Variants in CLMP observed in about 807,000 individuals in gnomAD.
The protein encoded by CLMP is CXADR like cell adhesion molecule, also known as CXADR-like membrane protein.
CLMP carries 27 observed loss-of-function variants against 45.2 expected under a neutral mutation model. The ratio of observed to expected loss-of-function variants is 0.60; its 90% CI spans 0.44 to 0.82. The LOEUF (loss-of-function observed/expected upper bound fraction) is 0.82, where lower values mean the gene tolerates loss of function less well. Among genes scored for constraint, CLMP ranks in the 40% least tolerant of loss-of-function variants. CLMP has a pLI of 0.00. For missense variants in CLMP, 403 were observed against 448.4 expected (o/e 0.90, Z 0.91); for synonymous variants, 167 against 171.4 (o/e 0.97, Z 0.20).
chr11:123,086,550 C>T (rs1865866832), intron 2 of CLMP, among the ~76,000 whole-genome samples: 2 of 152,224 alleles, frequency 1.3e-5, no homozygotes, highest in Non-Finnish European at 2.9e-5. Flanking sequence ...AGAAGGTTCT[C>T]TCAATCAGAT....
chr11:123,117,412 A>T (rs974033249), intron 1 of CLMP, among the ~76,000 whole-genome samples: 11 of 151,412 alleles, frequency 7.3e-5, no homozygotes, highest in East Asian at 1.9e-4. Context: ...TTTTTAAAAA[A>T]TTTTTTATTT....
chr11:123,078,658 T>G (rs1369715018), intron 5 of CLMP, among the ~76,000 whole-genome samples: 1 of 150,600 alleles, frequency 6.6e-6, no homozygotes, highest in African/African-American at 2.4e-5. Flanking sequence ...GTTTTTTTTT[T>G]TTTTGAGACA....
chr11:123,112,959 G>A (rs1327765225), intron 1 of CLMP, among the ~76,000 whole-genome samples: 1 of 151,954 alleles, frequency 6.6e-6, no homozygotes, highest in Non-Finnish European at 1.5e-5. Context: ...ATTTTTAGTA[G>A]AGACGGGGTT....
intron 1 of CLMP, among the ~76,000 whole-genome samples, chr11:123,154,756 C>T (rs1389270252): frequency 6.6e-6 from 1 of 152,112 alleles, no homozygotes; most frequent in Non-Finnish European, 1.5e-5. Context: ...CTTTACTTTC[C>T]ACTGAAATGA....
intron 1 of CLMP, among the ~76,000 whole-genome samples, chr11:123,155,688 G>A (rs1861403468): frequency 6.6e-6 from 1 of 152,136 alleles, no homozygotes; most frequent in African/African-American, 2.4e-5. Context: ...CTCCAAGATG[G>A]TCCTCAGGGA....
chr11:123,113,480 A>G (rs988898316), intron 1 of CLMP, among the ~76,000 whole-genome samples: 3 of 152,202 alleles, frequency 2.0e-5, no homozygotes, highest in Admixed American at 6.5e-5. Flanking sequence ...TGTTTATCCC[A>G]GACCTTGAAG....
intron 1 of CLMP, among the ~76,000 whole-genome samples, chr11:123,150,548 G>GA (rs1213409128): frequency 1.4e-5 from 2 of 138,606 alleles, no homozygotes; most frequent in African/African-American, 5.6e-5. Context: ...AGCAAGGAAG[G>GA]AAGGAAGGAA....
intron 1 of CLMP, among the ~76,000 whole-genome samples, chr11:123,126,625 C>T (rs992703843): frequency 2.0e-5 from 3 of 152,136 alleles, no homozygotes; most frequent in Non-Finnish European, 4.4e-5. Context: ...AGGCTGGGTG[C>T]AGTAGCTCAC....
chr11:123,110,183 C>T (rs908265782), intron 1 of CLMP, among the ~76,000 whole-genome samples: 10 of 152,062 alleles, frequency 6.6e-5, no homozygotes, highest in African/African-American at 1.9e-4. Flanking sequence ...GTTGCCCATG[C>T]GATGGCTCAC....
At chr11:123,142,968 G>A (rs960308437) in intron 1 of CLMP, among the ~76,000 whole-genome samples, 2 of 152,140 alleles carry the variant, frequency 1.3e-5, no homozygotes, top group Non-Finnish European at 2.9e-5. Flanking sequence ...CTAGACATGA[G>A]CCCATGATTT....
At chr11:123,135,558 T>C (rs1056942876) in intron 1 of CLMP, among the ~76,000 whole-genome samples, 1 of 152,186 alleles carries the variant, frequency 6.6e-6, no homozygotes, top group African/African-American at 2.4e-5. Flanking sequence ...CTATTTTTTT[T>C]CACAATGAAG....
chr11:123,112,117 C>A (rs12290985), intron 1 of CLMP, among the ~76,000 whole-genome samples: 17,709 of 152,032 alleles, frequency 0.12, 1,133 homozygotes, highest in Admixed American at 0.17. Flanking sequence ...GAACGGAACA[C>A]GTCTGCCCCA....
chr11:123,080,621 C>T (rs1865793902), intron 5 of CLMP, among the ~76,000 whole-genome samples: 1 of 152,120 alleles, frequency 6.6e-6, no homozygotes, highest in Non-Finnish European at 1.5e-5. Context: ...GCCACTGCGC[C>T]TCGACAAAGG....
chr11:123,186,763 T>C (rs1290896672), intron 1 of CLMP, among the ~76,000 whole-genome samples: 1 of 152,122 alleles, frequency 6.6e-6, no homozygotes, highest in Non-Finnish European at 1.5e-5. Context: ...CCTCCAGTGA[T>C]CCACCCGCCT....
At chr11:123,169,236 T>C (rs542667154) in intron 1 of CLMP, among the ~76,000 whole-genome samples, 2 of 152,272 alleles carry the variant, frequency 1.3e-5, no homozygotes, top group South Asian at 4.1e-4. Flanking sequence ...AAGCCTCATA[T>C]ATATTTATGT....
intron 1 of CLMP, among the ~76,000 whole-genome samples, chr11:123,169,017 G>A (rs1043600945): frequency 6.6e-6 from 1 of 152,142 alleles, no homozygotes; most frequent in Non-Finnish European, 1.5e-5. Context: ...CCATAAGAGA[G>A]GGAGGGACAG....
intron 1 of CLMP, among the ~76,000 whole-genome samples, chr11:123,175,184 T>G (rs1037999769): frequency 1.3e-5 from 2 of 152,160 alleles, no homozygotes; most frequent in Non-Finnish European, 2.9e-5. Flanking sequence ...TATAAAGAAC[T>G]TCCCTGAGAC....
At chr11:123,084,393 C>G (rs1865840100) in intron 3 of CLMP, 119 bp downstream of exon 3, 1 of 777,346 alleles carries the variant, frequency 1.3e-6, no homozygotes, top group Admixed American at 2.4e-5. Flanking sequence ...GAGGTGACCT[C>G]TGAATGTGTA....
intron 1 of CLMP, among the ~76,000 whole-genome samples, chr11:123,140,999 G>A (rs1259575388): frequency 6.6e-6 from 1 of 151,908 alleles, no homozygotes; most frequent in Non-Finnish European, 1.5e-5. Flanking sequence ...CTCACCTCTT[G>A]CTCCCTCTTT....
Sources: allele counts gnomAD v4.1 joint callset (sites outside exome capture counted in the v4.1 genomes callset), GRCh38; gene constraint gnomAD v4.1.1; transcripts MANE v1.5; gene names NCBI Gene and HGNC (gene_info 2026-07-23, HGNC 2026-07-21).